RSPH3: variants seen among roughly 807,000 people sequenced by gnomAD.
The protein encoded by RSPH3 is radial spoke head 3.
Under a neutral mutation model 43.8 loss-of-function variants are expected in RSPH3, and 21 were observed. The ratio of observed to expected loss-of-function variants is 0.48; its 90% CI spans 0.34 to 0.69. The LOEUF is 0.69. RSPH3 is among the 30% of genes least tolerant of loss of function. The pLI, the probability that RSPH3 is intolerant of heterozygous loss-of-function variation, is 0.01. For missense variants in RSPH3, 487 were observed against 516.0 expected (o/e 0.94, Z 0.54); for synonymous variants, 173 against 179.8 (o/e 0.96, Z 0.30).
chr6:158,983,603 C>A, intron 4 of RSPH3, 59 bp downstream of exon 4: 1 of 1,288,056 alleles, frequency 7.8e-7, no homozygotes, highest in Non-Finnish European at 1.1e-6. Flanking sequence ...GCATTATCTA[C>A]ACCTAACTTT....
chr6:158,966,022 G>T, the RSPH3 span, among the ~76,000 whole-genome samples: 1 of 151,976 alleles, frequency 6.6e-6, no homozygotes, highest in African/African-American at 2.4e-5. Flanking sequence ...TGTGGTTTCT[G>T]TTATTATATT....
chr6:158,995,891 G>A (rs2128611036), intron 1 of RSPH3, among the ~76,000 whole-genome samples: 1 of 152,206 alleles, frequency 6.6e-6, no homozygotes, highest in African/African-American at 2.4e-5. Flanking sequence ...GAGCCACCGT[G>A]CCCATCCTTC....
intron 1 of RSPH3, among the ~76,000 whole-genome samples, chr6:158,997,278 T>TC (rs952100705): frequency 6.7e-6 from 1 of 150,034 alleles, no homozygotes; most frequent in Non-Finnish European, 1.5e-5. Flanking sequence ...ACACTTTTTT[T>TC]TTTTTTTTTT....
rs574900811 is a variant in RSPH3, at chr6:158,999,047, A to AT, written c.116+387dup. ...TTTGCACCGCGGTCTCCTCATCTGCATAATGGAGTTATAAAATCAACTTCA... is the reference window on the plus strand; with the variant it reads ...TTTGCACCGCGGTCTCCTCATCTGCATTAATGGAGTTATAAAATCAACTTCA... On this transcript the variant is annotated intron_variant, in intron 1 of 7. Transcript: ENST00000367069. Among the ~76,000 whole-genome samples, 10 of 152,380 alleles carry AT rather than the reference A, an allele frequency of 6.6e-5. No individual in the cohort carries two copies. In the East Asian group the frequency reaches 1.7e-3, roughly 26 times the overall value.
downstream of RSPH3, among the ~76,000 whole-genome samples, chr6:158,969,933 A>G (rs1195855109): frequency 3.9e-5 from 6 of 152,096 alleles, no homozygotes; most frequent in African/African-American, 1.4e-4. Flanking sequence ...TTCTTTAGAC[A>G]TGGTTTTCTT....
chr6:158,989,328 T>C lies in RSPH3; in HGVS notation c.205-2907A>G, dbSNP rs1428188222. Among the ~76,000 whole-genome samples, 1 of 152,190 alleles carries C rather than the reference T, an allele frequency of 6.6e-6. No individual in the cohort carries two copies. Among genetic ancestry groups the C allele is most frequent in the Non-Finnish European group, 1.5e-5 (1 of 68,024 alleles). ...TCCCAAAGTGCTGGGATTACAGGCA[T>C]GAGACACTGCGCCCCGACAGAGATC... is the stretch of plus-strand genomic sequence containing the variant. On this transcript the variant is annotated intron_variant, in intron 2 of 7. Transcript: ENST00000367069. The surrounding 1 kb of genome is among the most constrained non-coding windows in gnomAD (Gnocchi z 4.3).
At chr6:158,965,146 C>T in the RSPH3 span, among the ~76,000 whole-genome samples, 1 of 151,996 alleles carries the variant, frequency 6.6e-6, no homozygotes, top group Admixed American at 6.6e-5. Context: ...TGTAGTATTC[C>T]ATTGATCTAT....
At position 158,973,137 on chromosome 6, in the gene RSPH3, CCTTT is replaced by C. The variant is rs1165655974; in HGVS notation, c.*4397_*4400del. ...TGGGGAAGTGAAGCTCATGTTTAGG[CCTTT>C]TCATAATGTCTTTATGCTAAATAAA... On this transcript the variant is annotated 3_prime_UTR_variant, in exon 8 of 8. Transcript: ENST00000367069. 4 of 152,114 alleles carry C rather than the reference CCTTT, an allele frequency of 2.6e-5. No individual in the cohort carries two copies. Among genetic ancestry groups the C allele is most frequent in the African/African-American group, 9.7e-5 (4 of 41,410 alleles). The allele number at this position is 152,114 out of a possible 1,614,324, so 9.4% of individuals were successfully genotyped here.
intron 6 of RSPH3, among the ~76,000 whole-genome samples, chr6:158,980,078 C>T (rs530933018): frequency 2.6e-4 from 39 of 152,312 alleles, no homozygotes; most frequent in Admixed American, 6.5e-4. Flanking sequence ...CAACTACTTA[C>T]GCATACACAG....
At chr6:158,985,662 C>A (rs373688777) in intron 3 of RSPH3, among the ~76,000 whole-genome samples, 23 of 151,942 alleles carry the variant, frequency 1.5e-4, no homozygotes, top group African/African-American at 5.6e-4. Context: ...GTGATCCTCC[C>A]GCCTTGCCTC....
chr6:158,978,238 A>T (rs372220398), intron 7 of RSPH3, 22 bp downstream of exon 7: 1 of 1,274,576 alleles, frequency 7.8e-7, no homozygotes. Context: ...TTAGAGATGA[A>T]TTTTTGGATA....
At chr6:158,994,585 A>G (rs548664284) in intron 1 of RSPH3, among the ~76,000 whole-genome samples, 1 of 152,266 alleles carries the variant, frequency 6.6e-6, no homozygotes, top group East Asian at 1.9e-4. Context: ...CAGGAGGCAG[A>G]GGTTGCTGTG....
chr6:158,982,822 T>C, intron 4 of RSPH3, 134 bp from the exon 5 acceptor site: 1 of 604,350 alleles, frequency 1.7e-6, no homozygotes. Flanking sequence ...GCTGGTGCTT[T>C]ATTCATGGTT....
rs55999313 is a variant in RSPH3 at position 158,984,434 on chromosome 6, TTATATATATA to T, written c.347-637_347-628del. Among the ~76,000 whole-genome samples, 69 of 63,648 alleles carry T rather than the reference TTATATATATA, an allele frequency of 1.1e-3. 1 individual carries two copies. The highest frequency in any genetic ancestry group is 5.8e-3 in the Admixed American group (27 of 4,658). The allele number at this position is 63,648 out of a possible 152,430, so 41.8% of individuals were successfully genotyped here. On this transcript the variant is annotated intron_variant, in intron 3 of 7. Transcript: ENST00000367069. ...AGTACAACAGTGGATAAAAAGTCAA[TTATATATATA>T]TATATATATATATATATATATATAT...
At chr6:158,984,954 G>A (rs1480113893) in intron 3 of RSPH3, among the ~76,000 whole-genome samples, 1 of 152,182 alleles carries the variant, frequency 6.6e-6, no homozygotes, top group Non-Finnish European at 1.5e-5. Context: ...AAAGGCAGGG[G>A]TTAAAGCATG....
intron 2 of RSPH3, among the ~76,000 whole-genome samples, chr6:158,988,901 T>C (rs1249864974): frequency 6.6e-6 from 1 of 152,180 alleles, no homozygotes; most frequent in Non-Finnish European, 1.5e-5. Context: ...ACTGATTCCT[T>C]GCTTTGTCCC....
intron 4 of RSPH3, 79 bp downstream of exon 4, chr6:158,983,583 C>T: frequency 9.7e-7 from 1 of 1,026,002 alleles, no homozygotes; most frequent in Non-Finnish European, 1.5e-6. Flanking sequence ...GTGGTTCTTG[C>T]TCATATTAAG....
At chr6:158,992,592 C>T (rs968034284) in intron 2 of RSPH3, among the ~76,000 whole-genome samples, 1 of 151,960 alleles carries the variant, frequency 6.6e-6, no homozygotes, top group Non-Finnish European at 1.5e-5. Flanking sequence ...CCACGCCTGG[C>T]CTCTGAGCAT....
At chr6:158,983,040 TG>T (rs1186797829) in intron 4 of RSPH3, among the ~76,000 whole-genome samples, 1 of 152,164 alleles carries the variant, frequency 6.6e-6, no homozygotes, top group Non-Finnish European at 1.5e-5. Context: ...AGAGATATTT[TG>T]GTGATTCATT....
Sources: gnomAD v4.1 joint callset for allele counts (sites outside exome capture counted in the v4.1 genomes callset) on GRCh38, gnomAD v4.1.1 for gene constraint, Gnocchi (gnomAD v3.1) non-coding constraint, MANE v1.5 for transcripts, NCBI Gene and HGNC (gene_info 2026-07-23, HGNC 2026-07-21) for gene names.